Variants in PRDM15 observed in about 807,000 individuals in gnomAD.
PRDM15 encodes the protein PR/SET domain 15.
PRDM15 carries 64 observed loss-of-function variants against 128.6 expected under a neutral mutation model. The ratio of observed to expected loss-of-function variants is 0.50; its 90% CI spans 0.41 to 0.61. The LOEUF is 0.61. Among genes scored for constraint, PRDM15 ranks in the 20% least tolerant of loss-of-function variants. PRDM15 has a pLI of 0.00. For synonymous variants in PRDM15, 615 were observed against 621.8 expected (o/e 0.99, Z 0.16); for missense variants, 1,242 against 1,569.1 (o/e 0.79, Z 3.52).
chr21:41,827,899 G>C (rs1473471793), intron 12 of PRDM15, among the ~76,000 whole-genome samples: 1 of 152,104 alleles, frequency 6.6e-6, no homozygotes, highest in Admixed American at 6.5e-5. Context: ...AGTTTTCTTA[G>C]CTCCTTCCCC....
At chr21:41,812,545 G>A (rs543163562) in intron 19 of PRDM15, 3 of 152,256 alleles carry the variant, frequency 2.0e-5, no homozygotes, top group South Asian at 4.1e-4. Flanking sequence ...GGGTGAAGAC[G>A]AAAAGGCCGG....
chr21:41,814,543 C>A (rs372891804), intron 19 of PRDM15: 45 of 86,638 alleles, frequency 5.2e-4, no homozygotes, highest in African/African-American at 1.4e-3. Flanking sequence ...TTTATGAGAA[C>A]GACTTGTGTT....
At chr21:41,864,111 G>A (rs955434530) in intron 1 of PRDM15, among the ~76,000 whole-genome samples, 1 of 152,096 alleles carries the variant, frequency 6.6e-6, no homozygotes, top group African/African-American at 2.4e-5. Context: ...CAAAGTGCTG[G>A]GATTACAGGT....
intron 11 of PRDM15, among the ~76,000 whole-genome samples, chr21:41,829,206 T>C (rs1378801680): frequency 3.4e-5 from 4 of 117,304 alleles, no homozygotes; most frequent in African/African-American, 1.6e-4. Flanking sequence ...CACATACACA[T>C]ACATGTCACA....
intron 22 of PRDM15, 174 bp from the exon 23 acceptor site, chr21:41,803,095 G>A (rs3737427): frequency 0.012 from 7,822 of 626,710 alleles, 105 homozygotes; most frequent in South Asian, 0.041. Context: ...TCTAAGGATC[G>A]GGGCAAGTTC....
At chr21:41,835,975 TCTCCTCCCTCCCCCACAGCCCC>T (rs1266230844) in intron 10 of PRDM15, 116 bp downstream of exon 10, 81 of 159,688 alleles carry the variant, frequency 5.1e-4, no homozygotes, top group South Asian at 2.2e-3. Context: ...CCCCGCCCAC[TCTCCTCCCTCCCCCACAGCCCC>T]CGCCCACTCT....
At chr21:41,851,678 T>C (rs750487766) in intron 5 of PRDM15, among the ~76,000 whole-genome samples, 4 of 151,932 alleles carry the variant, frequency 2.6e-5, no homozygotes, top group Admixed American at 2.0e-4. Context: ...CCAGGGAAAG[T>C]TCCCCAGGGC....
At chr21:41,871,103 G>A (rs1459841222) in intron 1 of PRDM15, among the ~76,000 whole-genome samples, 3 of 152,184 alleles carry the variant, frequency 2.0e-5, no homozygotes, top group Non-Finnish European at 4.4e-5. Flanking sequence ...AGATACAGAT[G>A]GGTAGACAGA....
intron 22 of PRDM15, 101 bp from the exon 23 acceptor site, chr21:41,803,022 T>A (rs1407605291): frequency 2.3e-6 from 2 of 882,662 alleles, no homozygotes; most frequent in African/African-American, 1.6e-5. Flanking sequence ...CTCCAATCAG[T>A]GGGGACGCTT....
In PRDM15 at chr21:41,836,666, A is replaced by G. The variant is rs140814994; in HGVS notation, c.1002-17T>C. 1.7e-5 allele frequency: 27 copies of G among 1,579,180 alleles called. No homozygotes were observed. Among genetic ancestry groups the G allele is most frequent in the African/African-American group, 1.2e-4 (9 of 74,060 alleles). ...TGGGTGAACCTGCCCAGGGACGTCA[A>G]TAAGTTGGGAAAAGACAGGTGGGAA... is the stretch of plus-strand genomic sequence containing the variant. On this transcript the variant is annotated splice_polypyrimidine_tract_variant and intron_variant, in intron 8 of 23. Transcript: ENST00000398548.
At chr21:41,820,718 G>A (rs1428061465) in intron 16 of PRDM15, among the ~76,000 whole-genome samples, 5 of 152,242 alleles carry the variant, frequency 3.3e-5, no homozygotes, top group South Asian at 2.1e-4. Flanking sequence ...TCAGCAGACC[G>A]CGCAGATTAT....
At chr21:41,840,318 T>C (rs1253766100) in intron 6 of PRDM15, among the ~76,000 whole-genome samples, 1 of 151,824 alleles carries the variant, frequency 6.6e-6, no homozygotes, top group East Asian at 1.9e-4. Flanking sequence ...TGGTGGTGTG[T>C]GCCTGTAGTC....
intron 5 of PRDM15, among the ~76,000 whole-genome samples, chr21:41,853,550 G>C (rs1433150656): frequency 2.6e-5 from 4 of 152,166 alleles, no homozygotes; most frequent in African/African-American, 9.7e-5. Flanking sequence ...GAATTTCATA[G>C]AGTTTCTTCA....
At chr21:41,824,759 C>G (rs1328370008) in intron 13 of PRDM15, among the ~76,000 whole-genome samples, 2 of 152,226 alleles carry the variant, frequency 1.3e-5, no homozygotes, top group South Asian at 2.1e-4. Flanking sequence ...CTCACCTGGA[C>G]CCCCAGCCAC....
At chr21:41,849,107 G>A (rs2063351071) in intron 5 of PRDM15, among the ~76,000 whole-genome samples, 1 of 152,210 alleles carries the variant, frequency 6.6e-6, no homozygotes, top group African/African-American at 2.4e-5. Context: ...AAAATGCAGA[G>A]TTTAAAACAA....
At position 41,801,653 on chromosome 21, in the gene PRDM15, C is replaced by T. The variant is rs370290707; in HGVS notation, c.3013G>A (p.Val1005Met). 36 of 1,614,036 alleles carry T rather than the reference C, an allele frequency of 2.2e-5. No individual in the cohort carries two copies. The highest frequency in any genetic ancestry group is 1.6e-4 in the Middle Eastern group (1 of 6,062). Residue 1005 changes from valine (V) to methionine (M), a missense_variant, in exon 24 of 24, where the codon GTG becomes ATG. Physicochemically the swap from Val to Met is conservative, Grantham distance 21. This residue lies in a region of PRDM15 where 602 missense variants were observed against 788.3 expected (regional missense o/e 0.76). Transcript: ENST00000398548. ...GCGGCCGCAGTGGTGATGGGGGTCA[C>T]GGTGATGTTGGTTAAGCCGACTGAG... ...SSSVGLTNIT[V>M]TPITTAAATQ...
In PRDM15 at chr21:41,879,198, G is replaced by A; in HGVS notation, c.-10+72C>T. The A allele has an allele frequency of 7.8e-6, 6 of 766,304 alleles. No homozygotes were observed. The highest frequency in any genetic ancestry group is 7.9e-6 in the Non-Finnish European group (5 of 632,222). The allele number at this position is 766,304 out of a possible 1,614,324, so 47.5% of individuals were successfully genotyped here. Reference sequence around the variant, plus strand: ...CCAGGGCGCGCCGGGGCTCGCGGGGGCAGCGGGTGCGGCCCGGGGCCGGCG... The same window carrying A: ...CCAGGGCGCGCCGGGGCTCGCGGGGACAGCGGGTGCGGCCCGGGGCCGGCG... On this transcript the variant is annotated intron_variant, in intron 1 of 23. Transcript: ENST00000398548. This position sits in a 1 kb window ranked among gnomAD's most constrained non-coding sequence, Gnocchi z 5.1.
chr21:41,864,032 C>T (rs1450683328), intron 1 of PRDM15, among the ~76,000 whole-genome samples: 1 of 152,088 alleles, frequency 6.6e-6, no homozygotes, highest in African/African-American at 2.4e-5. Flanking sequence ...TTAGCAGAGA[C>T]GGGGTTTCAC....
rs1601712056 is a variant in PRDM15 at position 41,801,009 on chromosome 21, T to C, written c.*231A>G. The stretch of plus-strand genomic sequence containing the variant: ...CAGGACTTACTGCCTTGGTAAGGCA[T>C]GGTGTGGAGCCCCATCCAGTTTAAA... On this transcript the variant is annotated 3_prime_UTR_variant, in exon 24 of 24. Coordinates refer to ENST00000398548, the MANE Select transcript of PRDM15 (RefSeq NM_001040424.3). The C allele has an allele frequency of 4.1e-6, 2 of 486,004 alleles. No homozygotes were observed. The highest frequency in any genetic ancestry group is 3.8e-5 in the Admixed American group (1 of 26,316). The allele number at this position is 486,004 out of a possible 1,614,324, so 30.1% of individuals were successfully genotyped here. A position where few individuals can be genotyped will look rare whatever the true frequency, so the allele number is the denominator to read the frequency against.
Sources: gnomAD v4.1 joint callset for allele counts (sites outside exome capture counted in the v4.1 genomes callset) on GRCh38, gnomAD v4.1.1 for gene constraint, gnomAD v4.1.1 regional missense constraint, Gnocchi (gnomAD v3.1) non-coding constraint, MANE v1.5 for transcripts, NCBI Gene and HGNC (gene_info 2026-07-23, HGNC 2026-07-21) for gene names.